Variants in ZNF850 observed in about 807,000 individuals in gnomAD.
The protein encoded by ZNF850 is zinc finger protein 850, also known as putative zinc finger protein ENSP00000330994.
In ZNF850, 2 loss-of-function variants were observed where a neutral mutation model predicts 11.9. The observed-to-expected ratio is 0.17, with a 90% CI of 0.07 to 0.53. The LOEUF is 0.53. ZNF850 is among the 20% of genes least tolerant of loss of function. ZNF850 has a pLI of 0.94. For missense variants in ZNF850, 1,014 were observed against 1,316.4 expected, an observed-to-expected ratio of 0.77 and a Z score of 3.55; for synonymous variants, 381 against 443.0, an observed-to-expected ratio of 0.86 and a Z score of 1.76.
intron 4 of ZNF850, among the ~76,000 whole-genome samples, chr19:36,755,763 C>G (rs1348075282): frequency 6.7e-6 from 1 of 148,662 alleles, no homozygotes. Context: ...AGAAAAAAAA[C>G]AGCAGAAACA....
At chr19:36,757,437 T>G (rs1366034819) in intron 4 of ZNF850, among the ~76,000 whole-genome samples, 2 of 141,446 alleles carry the variant, frequency 1.4e-5, no homozygotes, top group Admixed American at 7.1e-5. Context: ...AGTAAGAAAA[T>G]AAAACCAAAT....
rs1158986601 is a variant in ZNF850, at chr19:36,744,524, G to A, written c.*3243C>T. 6.6e-6 allele frequency: 1 copy of A among 152,080 alleles called. No homozygotes were observed. The highest frequency in any genetic ancestry group is 2.4e-5 in the African/African-American group (1 of 41,380). 9.4% of individuals were successfully genotyped at this position (152,080 alleles called of 1,614,324 possible). A position where few individuals can be genotyped will look rare whatever the true frequency, so the allele number is the denominator to read the frequency against. On this transcript the variant is annotated 3_prime_UTR_variant, in exon 5 of 5. Coordinates refer to ENST00000591344, the MANE Select transcript of ZNF850 (RefSeq NM_001193552.2). ...CGCCTGTAGTCCTTGCTACTCGGGA[G>A]GCTGAGGTGGGGGATCGATTGAGCC... is the stretch of plus-strand genomic sequence containing the variant.
At chr19:36,769,239 GCAAGGCAGAGTA>G (rs2040566322) in intron 1 of ZNF850, among the ~76,000 whole-genome samples, 1 of 134,504 alleles carries the variant, frequency 7.4e-6, no homozygotes. Flanking sequence ...TCCAGCCTGG[GCAAGGCAGAGTA>G]AGACTGTCTC....
intron 1 of ZNF850, among the ~76,000 whole-genome samples, chr19:36,770,935 C>T (rs1205777727): frequency 6.6e-6 from 1 of 151,978 alleles, no homozygotes; most frequent in Admixed American, 6.6e-5. Flanking sequence ...TTGATCGAGC[C>T]CCCAATCTCA....
intron 1 of ZNF850, among the ~76,000 whole-genome samples, chr19:36,772,187 G>A (rs2040589009): frequency 6.6e-6 from 1 of 152,152 alleles, no homozygotes; most frequent in South Asian, 2.1e-4. Flanking sequence ...CCCCCCTGTG[G>A]AGTTTTCCTT....
In ZNF850 at chr19:36,762,681, A is replaced by G; in HGVS notation, c.-69-6T>C. 1.4e-6 allele frequency: 2 copies of G among 1,432,294 alleles called. No individual in the cohort carries two copies. Among genetic ancestry groups the G allele is most frequent in the Non-Finnish European group, 1.9e-6 (2 of 1,052,850 alleles). The allele number at this position is 1,432,294 out of a possible 1,614,324, so 88.7% of individuals were successfully genotyped here. ...CGAATATTCCATGGTTAGAGCTGGG[A>G]ATGAATAAAACACATTGATATATTA... On this transcript the variant is annotated splice_region_variant and splice_polypyrimidine_tract_variant and intron_variant, in intron 1 of 4. Coordinates refer to ENST00000591344, the MANE Select transcript of ZNF850 (RefSeq NM_001193552.2).
Position 36,747,294 on chromosome 19 carries a change from A to G in ZNF850, c.*473T>C, listed in dbSNP as rs2040416909. 1.3e-5 allele frequency: 2 copies of G among 153,730 alleles called. No homozygotes were observed. Among genetic ancestry groups the G allele is most frequent in the African/African-American group, 4.8e-5 (2 of 41,474 alleles). 9.5% of individuals were successfully genotyped at this position (153,730 alleles called of 1,614,324 possible). On this transcript the variant is annotated 3_prime_UTR_variant, in exon 5 of 5. Transcript: ENST00000591344. Reference sequence around the variant, plus strand: ...ATGGTTGTCTTTTGTCATTGACCACATTCTCTAATATGAATTTGTATAACT... The same window carrying G: ...ATGGTTGTCTTTTGTCATTGACCACGTTCTCTAATATGAATTTGTATAACT...
chr19:36,770,238 G>A lies in ZNF850; in HGVS notation c.-70+2487C>T, dbSNP rs1322008825. ...GTTTGTAAGGAGGCTTCATTACATAGGCATGATTGATTAAACCACTGGCTA... is the reference window on the plus strand; with the variant it reads ...GTTTGTAAGGAGGCTTCATTACATAAGCATGATTGATTAAACCACTGGCTA... On this transcript the variant is annotated intron_variant, in intron 1 of 4. Coordinates refer to ENST00000591344, the MANE Select transcript of ZNF850 (RefSeq NM_001193552.2). 2.0e-5 allele frequency among the ~76,000 whole-genome samples: 3 copies of A among 152,150 alleles called. No homozygotes were observed. The South Asian group carries it at 6.2e-4, about 32-fold the overall frequency.
At position 36,745,678 on chromosome 19, in the gene ZNF850, CAAA is replaced by C. The variant is rs3055095; in HGVS notation, c.*2086_*2088del. 162 of 140,998 alleles carry C rather than the reference CAAA, an allele frequency of 1.1e-3. No homozygotes were observed. The highest frequency in any genetic ancestry group is 1.2e-3 in the Non-Finnish European group (78 of 65,328). 8.7% of individuals were successfully genotyped at this position (140,998 alleles called of 1,614,324 possible). ...GGGCAACAAGAGCAAAACTCCATCT[CAAA>C]AAAAAAAAAAAGAAAAAAGAAAAAG... On this transcript the variant is annotated 3_prime_UTR_variant, in exon 5 of 5. Transcript: ENST00000591344.
chr19:36,746,549 C>T lies in ZNF850; in HGVS notation c.*1218G>A, dbSNP rs2040412439. On this transcript the variant is annotated 3_prime_UTR_variant, in exon 5 of 5. Transcript: ENST00000591344. ...ATTTTTAGTAGAGATGGGGTTTCAA[C>T]ATGTTGGCCAGGCTGGTCTTGAACT... The T allele has an allele frequency of 6.6e-6, 1 of 152,066 alleles. No homozygotes were observed. The highest frequency in any genetic ancestry group is 1.5e-5 in the Non-Finnish European group (1 of 68,056). The allele number at this position is 152,066 out of a possible 1,614,324, so 9.4% of individuals were successfully genotyped here. A position where few individuals can be genotyped will look rare whatever the true frequency, so the allele number is the denominator to read the frequency against.
Position 36,749,761 on chromosome 19 carries a change from C to T in ZNF850, c.1279G>A (p.Gly427Arg). 1 of 1,556,092 alleles carries T rather than the reference C, an allele frequency of 6.4e-7. No homozygotes were observed. ...GEKPYDCKEC[G>R]KSFTAGSTLI... ...GTTGAGCCAGCAGTAAAAGATTTTC[C>T]ACATTCTTTACAATCATAGGGTTTC... The change falls in exon 5 of 5, where the codon GGA becomes AGA. Residue 427 changes from glycine to arginine, a missense_variant. Transcript: ENST00000591344.
intron 4 of ZNF850, among the ~76,000 whole-genome samples, chr19:36,760,412 A>T (rs2040510916): frequency 6.6e-6 from 1 of 152,140 alleles, no homozygotes; most frequent in Non-Finnish European, 1.5e-5. Flanking sequence ...ACTCCACTGC[A>T]CTCCAGCCTG....
Position 36,747,654 on chromosome 19 carries a change from C to T in ZNF850, c.*113G>A, listed in dbSNP as rs1036686254. ...CCGTCTCAAAAAAAAAAAAAAAAGTCGTAATTCTGGAAAAAGTGAATATGA... is the reference window on the plus strand; with the variant it reads ...CCGTCTCAAAAAAAAAAAAAAAAGTTGTAATTCTGGAAAAAGTGAATATGA... On this transcript the variant is annotated 3_prime_UTR_variant, in exon 5 of 5. Transcript: ENST00000591344. 8.2e-6 allele frequency: 9 copies of T among 1,096,488 alleles called. No individual in the cohort carries two copies. In the Admixed American group the frequency reaches 9.3e-5, roughly 11 times the overall value. 67.9% of individuals were successfully genotyped at this position (1,096,488 alleles called of 1,614,324 possible).
intron 1 of ZNF850, among the ~76,000 whole-genome samples, chr19:36,763,830 T>A (rs1435963372): frequency 1.2e-4 from 18 of 151,730 alleles, no homozygotes; most frequent in Non-Finnish European, 1.5e-5. Flanking sequence ...CCCAGCTACT[T>A]GGGAGGCTGA....
chr19:36,753,395 C>T (rs2040465493), intron 4 of ZNF850, among the ~76,000 whole-genome samples: 1 of 128,356 alleles, frequency 7.8e-6, no homozygotes, highest in African/African-American at 3.0e-5. Context: ...TCAAGACCAG[C>T]CTGGGCAACA....
At chr19:36,752,253 A>T (rs2040458366) in intron 4 of ZNF850, among the ~76,000 whole-genome samples, 1 of 152,320 alleles carries the variant, frequency 6.6e-6, no homozygotes, top group South Asian at 2.1e-4. Context: ...ATTTCTTACT[A>T]CACAGAACCT....
chr19:36,751,313 T>C (rs1421174380), intron 4 of ZNF850, among the ~76,000 whole-genome samples: 1 of 151,958 alleles, frequency 6.6e-6, no homozygotes, highest in Non-Finnish European at 1.5e-5. Flanking sequence ...CCTGAAAAGC[T>C]GTCAAAGCAA....
At chr19:36,764,427 A>G (rs1338273859) in intron 1 of ZNF850, among the ~76,000 whole-genome samples, 5 of 152,140 alleles carry the variant, frequency 3.3e-5, no homozygotes, top group Non-Finnish European at 7.3e-5. Flanking sequence ...TGTCTGGTGA[A>G]AGGCTACTGT....
chr19:36,761,738 C>T lies in ZNF850; in HGVS notation c.140G>A (p.Gly47Asp), dbSNP rs1471017490. Residue 47 changes from glycine to aspartate, a missense_variant and splice_region_variant, in exon 4 of 5, where the codon GGT becomes GAT. Transcript: ENST00000591344. ...CACATCAGGCTTTGGGATAGAGAGA[C>T]CTGTTTATAAGAAAAGAAGTAAGAT... is the stretch of plus-strand genomic sequence containing the variant. ...MENYSSLVSL[G>D]LSIPKPDVIS... is the part of the protein sequence containing the mutation. 6.6e-7 allele frequency: 1 copy of T among 1,518,092 alleles called. No homozygotes were observed. Among genetic ancestry groups the T allele is most frequent in the Admixed American group, 2.0e-5 (1 of 51,232 alleles). The allele number at this position is 1,518,092 out of a possible 1,614,324, so 94.0% of individuals were successfully genotyped here. A position where few individuals can be genotyped will look rare whatever the true frequency, so the allele number is the denominator to read the frequency against.
Sources: gnomAD v4.1 joint callset for allele counts (sites outside exome capture counted in the v4.1 genomes callset) on GRCh38, gnomAD v4.1.1 for gene constraint, MANE v1.5 for transcripts, NCBI Gene and HGNC (gene_info 2026-07-23, HGNC 2026-07-21) for gene names.